Variants in MYO18A observed in about 807,000 individuals in gnomAD.
The protein encoded by MYO18A is unconventional myosin-XVIIIa.
MYO18A carries 78 observed loss-of-function variants against 235.8 expected under a neutral mutation model. That is an observed-to-expected ratio of 0.33 (90% CI 0.28 to 0.40). The LOEUF is 0.40. Ranked by LOEUF, MYO18A falls within the 10% of genes least tolerant of loss-of-function variation. MYO18A has a pLI of 1.00. For missense variants in MYO18A, 2,215 were observed against 2,699.3 expected (o/e 0.82, Z 3.98); for synonymous variants, 977 against 1,077.8 (o/e 0.91, Z 1.83).
chr17:29,100,298 G>T (rs2066622788), intron 21 of MYO18A, among the ~76,000 whole-genome samples: 1 of 152,236 alleles, frequency 6.6e-6, no homozygotes, highest in African/African-American at 2.4e-5. Context: ...GAAAAGCGGG[G>T]AGAATGGGAA....
In MYO18A at chr17:29,120,870, C is replaced by A; in HGVS notation, c.1586-112G>T. On this transcript the variant is annotated intron_variant, in intron 6 of 41. Transcript: ENST00000527372. The surrounding 1 kb of genome is among the most constrained non-coding windows in gnomAD (Gnocchi z 4.2). The stretch of plus-strand genomic sequence containing the variant: ...TGGGGCCATTCAGACCAGAACTGCC[C>A]GTGGACAGAGGGGTTTCGGGGGGAT... The A allele has an allele frequency of 6.4e-7, 1 of 1,562,836 alleles. No homozygotes were observed. The highest frequency in any genetic ancestry group is 8.7e-7 in the Non-Finnish European group (1 of 1,149,258).
rs546323062 is a variant in MYO18A, at chr17:29,148,872, C to A, written c.999+17070G>T. Among the ~76,000 whole-genome samples the A allele has an allele frequency of 1.1e-4, 16 of 152,318 alleles. No individual in the cohort carries two copies. The East Asian group carries it at 3.1e-3, about 29-fold the overall frequency. On this transcript the variant is annotated intron_variant, in intron 2 of 41. Coordinates refer to ENST00000527372, the MANE Select transcript of MYO18A (RefSeq NM_078471.4). ...CTCAGCACCCTACGCACGGGTCAGG[C>A]TCTGTGAGGGCCGAGTCAGCCCCAG...
intron 2 of MYO18A, chr17:29,137,071 T>A (rs934665644): frequency 6.6e-6 from 1 of 152,150 alleles, no homozygotes; most frequent in Non-Finnish European, 1.5e-5. Context: ...TGAATCCTCA[T>A]AACAACACAC....
chr17:29,099,607 G>T (rs189137014), intron 22 of MYO18A, 27 bp downstream of exon 22: 5 of 1,606,458 alleles, frequency 3.1e-6, no homozygotes, highest in African/African-American at 2.7e-5. Flanking sequence ...AGGTTGGGGA[G>T]GGGGAGGGAT....
At chr17:29,129,634 G>T (rs1257848107) in intron 2 of MYO18A, among the ~76,000 whole-genome samples, 2 of 152,208 alleles carry the variant, frequency 1.3e-5, no homozygotes, top group Non-Finnish European at 2.9e-5. Flanking sequence ...CAATGATCTT[G>T]GTTCTAGAAC....
At chr17:29,123,275 GC>G (rs2082669842) in intron 2 of MYO18A, among the ~76,000 whole-genome samples, 1 of 152,138 alleles carries the variant, frequency 6.6e-6, no homozygotes, top group East Asian at 1.9e-4. Context: ...CGAAATGGCA[GC>G]AAGGTCATCC....
In MYO18A at chr17:29,096,869, T is replaced by C; in HGVS notation, c.4277A>G (p.Gln1426Arg). ...TCGCTGGCACTTCTTCTTGAGCTGC[T>C]GCAGAGCCCGCTGACTCTCCTCACT... ...ADSEESQRAL[Q>R]QLKKKCQRLT... The change falls in exon 28 of 42, where the codon CAG (glutamine) becomes CGG (arginine). Residue 1426 changes from glutamine to arginine, a missense_variant. Coordinates refer to ENST00000527372, the MANE Select transcript of MYO18A (RefSeq NM_078471.4). 2 of 1,582,954 alleles carry C rather than the reference T, an allele frequency of 1.3e-6. No individual in the cohort carries two copies. Among genetic ancestry groups the C allele is most frequent in the South Asian group, 2.3e-5 (2 of 86,218 alleles).
rs1256362174 is a variant in MYO18A, at chr17:29,074,857, A to G, written c.6078T>C (p.Pro2026=). The change falls in exon 42 of 42, where the codon CCT becomes CCC. Residue 2026 remains proline (P), a synonymous_variant. Coordinates refer to ENST00000527372, the MANE Select transcript of MYO18A (RefSeq NM_078471.4). The surrounding 1 kb of genome is among the most constrained non-coding windows in gnomAD (Gnocchi z 4.4). ...ATCGCGGTCTGGAGGTGTTGTCGAG[A>G]GGGTCGTGCTCATCATCTGACCGAT... The part of the protein sequence containing the change: ...APDRSDDEHD[P]LDNTSRPRYS... 1.2e-6 allele frequency: 2 copies of G among 1,613,864 alleles called. No individual in the cohort carries two copies. The highest frequency in any genetic ancestry group is 1.7e-6 in the Non-Finnish European group (2 of 1,179,870).
chr17:29,106,810 C>A lies in MYO18A; in HGVS notation c.3441+270G>T, dbSNP rs887473211. Among the ~76,000 whole-genome samples, 7 of 152,166 alleles carry A rather than the reference C, an allele frequency of 4.6e-5. No individual in the cohort carries two copies. The highest frequency in any genetic ancestry group is 1.4e-4 in the African/African-American group (6 of 41,430). On this transcript the variant is annotated intron_variant, in intron 20 of 41. Coordinates refer to ENST00000527372, the MANE Select transcript of MYO18A (RefSeq NM_078471.4). This position sits in a 1 kb window ranked among gnomAD's most constrained non-coding sequence, Gnocchi z 4.6. The stretch of plus-strand genomic sequence containing the variant: ...CCAAAGCACTAATAATTCTCATGCA[C>A]CCTCAGTGCGCCCAGGCCCTGCTCG...
chr17:29,089,681 C>T (rs2066348787), intron 37 of MYO18A, among the ~76,000 whole-genome samples: 1 of 152,094 alleles, frequency 6.6e-6, no homozygotes, highest in Admixed American at 6.5e-5. Flanking sequence ...GGGGGGAGCT[C>T]GTGGTGGAGG....
At chr17:29,103,568 G>A (rs370042141) in intron 21 of MYO18A, 31 bp downstream of exon 21, 10 of 1,612,382 alleles carry the variant, frequency 6.2e-6, no homozygotes, top group African/African-American at 1.3e-5. Context: ...CCTGGAGTGA[G>A]GCCCGACTGC....
In MYO18A at chr17:29,110,455, A is replaced by T; in HGVS notation, c.3068T>A (p.Ile1023Asn). Residue 1023 changes from isoleucine (I) to asparagine (N), a missense_variant, in exon 18 of 42, where the codon ATC becomes AAC. Ile to Asn is a moderately radical substitution (Grantham distance 149, BLOSUM62 -3). Transcript: ENST00000527372. ...ACTCACCACCTGTAGCTTCATCTGG[A>T]TGCACAGTGACTTCTTTTTGACAGC... ...MAAVKKKSLC[I>N]QMKLQVDALI... The T allele has an allele frequency of 6.3e-7, 1 of 1,592,240 alleles. No individual in the cohort carries two copies. The highest frequency in any genetic ancestry group is 1.1e-5 in the South Asian group (1 of 87,476).
rs749103234 is a variant in MYO18A at position 29,166,205 on chromosome 17, C to T, written c.736G>A (p.Glu246Lys). ...RRTTMLDRGP[E>K]GQACRRVVHF... ...ACCACACGCCGACAGGCCTGGCCCT[C>T]GGGGCCCCGATCCAGCATGGTTGTG... is the stretch of plus-strand genomic sequence containing the variant. Residue 246 changes from glutamate (E) to lysine (K), a missense_variant, in exon 2 of 42, where the codon GAG becomes AAG. Transcript: ENST00000527372. The T allele has an allele frequency of 1.9e-6, 3 of 1,612,710 alleles. No individual in the cohort carries two copies. Among genetic ancestry groups the T allele is most frequent in the South Asian group, 2.2e-5 (2 of 91,078 alleles).
chr17:29,163,548 C>T (rs1270126412), intron 2 of MYO18A, among the ~76,000 whole-genome samples: 1 of 152,212 alleles, frequency 6.6e-6, no homozygotes, highest in African/African-American at 2.4e-5. Context: ...CCCATAGGAG[C>T]TAGAGTGAGC....
chr17:29,135,295 G>A (rs1202729393), intron 2 of MYO18A, among the ~76,000 whole-genome samples: 2 of 151,956 alleles, frequency 1.3e-5, no homozygotes, highest in African/African-American at 4.8e-5. Flanking sequence ...GTAGAGGCAG[G>A]GTTTCACCGT....
rs1185647825 is a variant in MYO18A, at chr17:29,125,925, G to A, written c.1000-3672C>T. On this transcript the variant is annotated intron_variant, in intron 2 of 41. Transcript: ENST00000527372. The surrounding 1 kb of genome is among the most constrained non-coding windows in gnomAD (Gnocchi z 5.1). Reference sequence around the variant, plus strand: ...GTGAAGATCCTCTCCAGCCGCTGGTGGGCCTCTTCCACGGGGGTCAGCTGG... The same window carrying A: ...GTGAAGATCCTCTCCAGCCGCTGGTAGGCCTCTTCCACGGGGGTCAGCTGG... 11 of 985,744 alleles carry A rather than the reference G, an allele frequency of 1.1e-5. No individual in the cohort carries two copies. Among genetic ancestry groups the A allele is most frequent in the Non-Finnish European group, 1.3e-5 (11 of 829,942 alleles). The allele number at this position is 985,744 out of a possible 1,614,324, so 61.1% of individuals were successfully genotyped here.
chr17:29,090,488 G>C (rs367850252), intron 36 of MYO18A, 44 bp downstream of exon 36: 1 of 1,524,012 alleles, frequency 6.6e-7, no homozygotes, highest in East Asian at 2.4e-5. Context: ...CACACCTAGT[G>C]ACCCTGGCAC....
rs1274090053 is a variant in MYO18A at position 29,120,753 on chromosome 17, TCTC to T, written c.1588_1590del (p.Glu530del). ...AGGAGGGTGTACAGAGCCTGCCACT[TCTC>T]CACTGCAGAATACAGGCCCAAGGGG... On this transcript the variant is annotated inframe_deletion and splice_region_variant, in exon 7 of 42. Coordinates refer to ENST00000527372, the MANE Select transcript of MYO18A (RefSeq NM_078471.4). The surrounding 1 kb of genome is among the most constrained non-coding windows in gnomAD (Gnocchi z 4.2). The T allele has an allele frequency of 1.2e-6, 2 of 1,613,088 alleles. No homozygotes were observed. Among genetic ancestry groups the T allele is most frequent in the Non-Finnish European group, 1.7e-6 (2 of 1,179,480 alleles).
intron 7 of MYO18A, among the ~76,000 whole-genome samples, chr17:29,119,814 T>G (rs934467673): frequency 2.6e-5 from 4 of 152,088 alleles, no homozygotes; most frequent in Non-Finnish European, 4.4e-5. Flanking sequence ...TCCACCCACC[T>G]CAGCCTCCCG....
Sources: allele counts gnomAD v4.1 joint callset (sites outside exome capture counted in the v4.1 genomes callset), GRCh38; gene constraint gnomAD v4.1.1; non-coding constraint Gnocchi (gnomAD v3.1); transcripts MANE v1.5; gene names NCBI Gene and HGNC (gene_info 2026-07-23, HGNC 2026-07-21).